Variants in MYO9B observed in about 807,000 individuals in gnomAD.
The protein encoded by MYO9B is myosin IXB.
MYO9B carries 71 observed loss-of-function variants against 229.5 expected under a neutral mutation model. That is an observed-to-expected ratio of 0.31 (90% CI 0.26 to 0.38). The LOEUF is 0.38. Ranked by LOEUF, MYO9B falls within the 10% of genes least tolerant of loss-of-function variation. The pLI, the probability that MYO9B is intolerant of heterozygous loss-of-function variation, is 1.00. For missense variants in MYO9B, 2,255 were observed against 2,920.5 expected, an observed-to-expected ratio of 0.77 and a Z score of 5.25; for synonymous variants, 1,185 against 1,235.8, an observed-to-expected ratio of 0.96 and a Z score of 0.86.
Position 17,180,106 on chromosome 19 carries a change from G to A in MYO9B, c.2220-821G>A, listed in dbSNP as rs528852114. 1.5e-3 allele frequency among the ~76,000 whole-genome samples: 230 copies of A among 150,378 alleles called. 1 individual carries two copies. Among genetic ancestry groups the A allele is most frequent in the African/African-American group, 4.8e-3 (197 of 41,016 alleles). ...AAATTAGCCGGGCATGGTGGTGCAC[G>A]CCTGTAATCCTAGCTATTTAGGAGG... On this transcript the variant is annotated intron_variant, in intron 14 of 39. Transcript: ENST00000682292.
At chr19:17,139,057 G>GTCC (rs1377883056) in intron 2 of MYO9B, among the ~76,000 whole-genome samples, 1 of 152,102 alleles carries the variant, frequency 6.6e-6, no homozygotes, top group African/African-American at 2.4e-5. Context: ...CGCGCCTGTA[G>GTCC]TCCCAGTTAC....
At chr19:17,202,955 G>A in intron 29 of MYO9B, 72 bp downstream of exon 29, 1 of 1,537,096 alleles carries the variant, frequency 6.5e-7, no homozygotes, top group South Asian at 1.2e-5. Context: ...GTGTGTCAGT[G>A]TCAATGTGCG....
chr19:17,082,756 C>T (rs2057544886), intron 1 of MYO9B, among the ~76,000 whole-genome samples: 1 of 152,078 alleles, frequency 6.6e-6, no homozygotes, highest in Non-Finnish European at 1.5e-5. Flanking sequence ...ACTTATTTGG[C>T]CCATAGGTGC....
chr19:17,080,711 A>T (rs1440344040), intron 1 of MYO9B, among the ~76,000 whole-genome samples: 1 of 152,164 alleles, frequency 6.6e-6, no homozygotes, highest in Non-Finnish European at 1.5e-5. Flanking sequence ...CTACAAAAAA[A>T]TACTAAAATT....
intron 33 of MYO9B, 83 bp downstream of exon 33, chr19:17,206,459 C>A: frequency 6.5e-7 from 1 of 1,529,902 alleles, no homozygotes; most frequent in Non-Finnish European, 8.8e-7. Flanking sequence ...GGAGGCAGGA[C>A]CACCCAGTTC....
rs751174219 is a variant in MYO9B, at chr19:17,195,318, C to T, written c.3891C>T (p.Ile1297=). 2.9e-5 allele frequency: 47 copies of T among 1,612,474 alleles called. No individual in the cohort carries two copies. Among genetic ancestry groups the T allele is most frequent in the Admixed American group, 5.0e-5 (3 of 59,990 alleles). The change falls in exon 22 of 40, where the codon ATC becomes ATT. Residue 1297 remains isoleucine, a synonymous_variant. Transcript: ENST00000682292. This position sits in a 1 kb window ranked among gnomAD's most constrained non-coding sequence, Gnocchi z 4.5. ...KPDSPGGSTQ[I]QRYLDAERLA... ...ACAGCCCCGGAGGCTCCACGCAGAT[C>T]CAGCGGTACCTGGACGCCGAGCGGC...
In MYO9B at chr19:17,209,763, G is replaced by A; in HGVS notation, c.5748+54G>A. 4 of 1,597,276 alleles carry A rather than the reference G, an allele frequency of 2.5e-6. No individual in the cohort carries two copies. In the East Asian group the frequency reaches 9.0e-5, roughly 36 times the overall value. ...CCTCTTTGGTGGGGCGGAGCCTGGT[G>A]CTGGGCAGGGCCTTGGGCGTGGCTT... On this transcript the variant is annotated intron_variant, in intron 36 of 39. Transcript: ENST00000682292.
At chr19:17,123,519 C>T (rs185110623) in intron 2 of MYO9B, among the ~76,000 whole-genome samples, 73 of 151,990 alleles carry the variant, frequency 4.8e-4, no homozygotes, top group African/African-American at 1.7e-3. Flanking sequence ...CAGCTCACTG[C>T]AACCTCCACC....
At chr19:17,153,057 G>A (rs569611363) in intron 4 of MYO9B, among the ~76,000 whole-genome samples, 5 of 152,292 alleles carry the variant, frequency 3.3e-5, no homozygotes, top group African/African-American at 9.6e-5. Context: ...CGGGAGGATC[G>A]CCTGAGCCCG....
At chr19:17,097,489 C>T (rs2123511923) in intron 1 of MYO9B, among the ~76,000 whole-genome samples, 1 of 152,260 alleles carries the variant, frequency 6.6e-6, no homozygotes, top group African/African-American at 2.4e-5. Context: ...TTAGGTTTTA[C>T]AGCTAAATGG....
intron 11 of MYO9B, 129 bp downstream of exon 11, chr19:17,168,193 C>A: frequency 7.9e-7 from 1 of 1,269,090 alleles, no homozygotes; most frequent in Non-Finnish European, 1.1e-6. Context: ...GAGACAGGGT[C>A]TCACTCTGTC....
At chr19:17,076,382 G>T (rs1344373263) in intron 1 of MYO9B, among the ~76,000 whole-genome samples, 3 of 152,060 alleles carry the variant, frequency 2.0e-5, no homozygotes, top group Non-Finnish European at 4.4e-5. Context: ...AAATGCGGGG[G>T]GTTCTGAACT....
chr19:17,177,286 GTTTT>G (rs796290437), intron 14 of MYO9B, among the ~76,000 whole-genome samples: 1 of 132,844 alleles, frequency 7.5e-6, no homozygotes, highest in Admixed American at 7.6e-5. Flanking sequence ...TTGTTTGTTG[GTTTT>G]TTTTTTTTTT....
chr19:17,170,727 G>A (rs184971186), intron 11 of MYO9B, among the ~76,000 whole-genome samples: 60 of 150,384 alleles, frequency 4.0e-4, no homozygotes, highest in Middle Eastern at 3.5e-3. Flanking sequence ...AGGAGGCTGA[G>A]GCAGGAGGAT....
At chr19:17,210,553 G>A (rs567401890) in intron 37 of MYO9B, 162 bp from the exon 38 acceptor site, 25 of 1,230,530 alleles carry the variant, frequency 2.0e-5, no homozygotes, top group Middle Eastern at 2.8e-4. Context: ...ACGACTAATC[G>A]GCCACATGAC....
chr19:17,190,197 G>T (rs1418656001), intron 19 of MYO9B, among the ~76,000 whole-genome samples: 1 of 151,846 alleles, frequency 6.6e-6, no homozygotes, highest in African/African-American at 2.4e-5. Context: ...GGTTTTTTGT[G>T]TGTGTGATGG....
At chr19:17,138,445 T>C (rs2072298286) in intron 2 of MYO9B, among the ~76,000 whole-genome samples, 1 of 152,188 alleles carries the variant, frequency 6.6e-6, no homozygotes, top group Non-Finnish European at 1.5e-5. Context: ...ACCTGGCTAA[T>C]TTTTTAAATT....
At chr19:17,097,290 T>C (rs2057702362) in intron 1 of MYO9B, among the ~76,000 whole-genome samples, 1 of 150,710 alleles carries the variant, frequency 6.6e-6, no homozygotes, top group Admixed American at 6.6e-5. Context: ...CACTGTGCTC[T>C]AGCCTGGGTG....
At chr19:17,083,287 C>T (rs183383247) in intron 1 of MYO9B, among the ~76,000 whole-genome samples, 32 of 152,324 alleles carry the variant, frequency 2.1e-4, no homozygotes, top group Middle Eastern at 6.8e-3. Context: ...GCCTCAGCCT[C>T]CCAAAGTGCT....
Sources: gnomAD v4.1 joint callset for allele counts (sites outside exome capture counted in the v4.1 genomes callset) on GRCh38, gnomAD v4.1.1 for gene constraint, Gnocchi (gnomAD v3.1) non-coding constraint, MANE v1.5 for transcripts, NCBI Gene and HGNC (gene_info 2026-07-23, HGNC 2026-07-21) for gene names.